The following DCDC2 variants were observed in gnomAD, a reference collection of about 807,000 sequenced individuals.
DCDC2 encodes doublecortin domain-containing protein 2.
DCDC2 carries 40 observed loss-of-function variants against 50.2 expected under a neutral mutation model. That is an observed-to-expected ratio of 0.80 (90% confidence interval 0.62 to 1.04). The LOEUF (loss-of-function observed/expected upper bound fraction) is 1.04. Ranked by LOEUF, DCDC2 falls within the 50% of genes least tolerant of loss-of-function variation. DCDC2 has a pLI of 0.00. For missense variants in DCDC2, 570 were observed against 581.9 expected (o/e 0.98, Z 0.21); for synonymous variants, 234 against 210.6 (o/e 1.11, Z -0.96).
intron 1 of DCDC2, 146 bp downstream of exon 1, chr6:24,357,312 C>T (rs905200941): frequency 7.4e-6 from 7 of 943,176 alleles, no homozygotes; most frequent in Non-Finnish European, 1.1e-5. Context: ...CCAACTGCAA[C>T]GAGAGTTTTG....
intron 4 of DCDC2, among the ~76,000 whole-genome samples, chr6:24,298,915 C>G (rs999893319): frequency 6.6e-6 from 1 of 152,136 alleles, no homozygotes; most frequent in Non-Finnish European, 1.5e-5. Context: ...ACTTTTATAT[C>G]CTGATAAACT....
At chr6:24,258,834 T>C (rs530259533) in intron 7 of DCDC2, among the ~76,000 whole-genome samples, 1 of 152,346 alleles carries the variant, frequency 6.6e-6, no homozygotes, top group South Asian at 2.1e-4. Flanking sequence ...AGGGCTCAGC[T>C]GTACCAATCA....
intron 7 of DCDC2, among the ~76,000 whole-genome samples, chr6:24,246,747 A>C (rs1762685952): frequency 6.6e-6 from 1 of 151,988 alleles, no homozygotes; most frequent in African/African-American, 2.4e-5. Context: ...TCAACCTCCC[A>C]AAGTGCTGGG....
At position 24,343,377 on chromosome 6, in the gene DCDC2, T is replaced by C. The variant is rs114203464; in HGVS notation, c.348+10192A>G. 7.5e-3 allele frequency among the ~76,000 whole-genome samples: 1,148 copies of C among 152,336 alleles called. 6 individuals carry two copies. The highest frequency in any genetic ancestry group is 0.026 in the African/African-American group (1,064 of 41,562). On this transcript the variant is annotated intron_variant, in intron 2 of 9. Transcript: ENST00000378454. ...ATATTCTTGAGGAAATGTAAAATCA[T>C]GCATGAGCAGCATTCAATAAAAAGT...
intron 7 of DCDC2, among the ~76,000 whole-genome samples, chr6:24,212,011 G>A (rs1761881842): frequency 6.6e-6 from 1 of 152,148 alleles, no homozygotes; most frequent in Admixed American, 6.5e-5. Flanking sequence ...CAGGAGGTGA[G>A]CGGCAGGTGA....
chr6:24,372,517 A>C, the DCDC2 span, among the ~76,000 whole-genome samples: 1 of 152,204 alleles, frequency 6.6e-6, no homozygotes, highest in African/African-American at 2.4e-5. Context: ...GAACCAACCC[A>C]AATGTCCAAC....
At chr6:24,324,863 A>T (rs148899707) in intron 2 of DCDC2, among the ~76,000 whole-genome samples, 1 of 151,710 alleles carries the variant, frequency 6.6e-6, no homozygotes, top group Non-Finnish European at 1.5e-5. Flanking sequence ...CACATGGCTG[A>T]CAGAGCAAGA....
At chr6:24,213,316 G>A (rs976653119) in intron 7 of DCDC2, among the ~76,000 whole-genome samples, 1 of 152,098 alleles carries the variant, frequency 6.6e-6, no homozygotes, top group African/African-American at 2.4e-5. Context: ...CACTAAGACT[G>A]CCTATCATAA....
rs945462272 is a variant in DCDC2, at chr6:24,357,704, A to C, written c.47T>G (p.Val16Gly). The C allele has an allele frequency of 4.3e-6, 7 of 1,613,190 alleles. No individual in the cohort carries two copies. In the African/African-American group the frequency reaches 9.3e-5, roughly 22 times the overall value. ...GTTGCGGTACACAAGCACGCTCTTC[A>C]CGACGGGCTGAGACAGGTGGCTGGA... ...ARSSHLSQPV[V>G]KSVLVYRNGD... is the part of the protein sequence containing the mutation. The change falls in exon 1 of 10, where the codon GTG becomes GGG. Residue 16 changes from valine (V) to glycine (G), a missense_variant. By Grantham distance (109) the Val-to-Gly change is moderately radical. Transcript: ENST00000378454.
chr6:24,213,985 A>C (rs1171853012), intron 7 of DCDC2, among the ~76,000 whole-genome samples: 1 of 152,166 alleles, frequency 6.6e-6, no homozygotes, highest in African/African-American at 2.4e-5. Flanking sequence ...TTTAATCACT[A>C]ATCTTCTCCA....
rs746818008 is a variant in DCDC2, at chr6:24,301,786, G to T, written c.486C>A (p.Thr162=). 1 of 1,614,144 alleles carries T rather than the reference G, an allele frequency of 6.2e-7. No homozygotes were observed. The highest frequency in any genetic ancestry group is 2.2e-5 in the East Asian group (1 of 44,880). ...GTAGTACATGATCCCACTGATTCAAGGTTTTTCTGGGGATAAGGAGGCGAG... is the reference window on the plus strand; with the variant it reads ...GTAGTACATGATCCCACTGATTCAATGTTTTTCTGGGGATAAGGAGGCGAG... ...PASRLLIPRK[T]LNQWDHVLQM... Residue 162 remains threonine (T), a synonymous_variant, in exon 4 of 10, where the codon ACC becomes ACA. Coordinates refer to ENST00000378454, the MANE Select transcript of DCDC2 (RefSeq NM_016356.5).
At chr6:24,306,527 T>TAGAC (rs1561768209) in intron 2 of DCDC2, among the ~76,000 whole-genome samples, 1 of 141,694 alleles carries the variant, frequency 7.1e-6, no homozygotes, top group African/African-American at 2.7e-5. Context: ...GATAGATAGA[T>TAGAC]AGATAGATAG....
chr6:24,188,552 T>G (rs1761251078), intron 8 of DCDC2, among the ~76,000 whole-genome samples: 1 of 152,222 alleles, frequency 6.6e-6, no homozygotes, highest in South Asian at 2.1e-4. Context: ...TTATATTTTA[T>G]ATTTTTATAT....
At chr6:24,186,791 G>T (rs756241686) in intron 8 of DCDC2, among the ~76,000 whole-genome samples, 17 of 152,090 alleles carry the variant, frequency 1.1e-4, no homozygotes, top group Admixed American at 5.2e-4. Flanking sequence ...CACTTTTGGG[G>T]GCTGAACTGT....
rs112382215 is a variant in DCDC2 at position 24,175,094 on chromosome 6, CTTTA to C, written c.1327-264_1327-261del. Among the ~76,000 whole-genome samples, 21,626 of 151,836 alleles carry C rather than the reference CTTTA, an allele frequency of 0.14. 4,018 individuals carry two copies. The highest frequency in any genetic ancestry group is 0.44 in the African/African-American group (17,997 of 41,262). On this transcript the variant is annotated intron_variant, in intron 9 of 9. Transcript: ENST00000378454. ...CCTGACTCATTTTGTATGCTGCAGG[CTTTA>C]TTTTTCTCATTTTTTCTTGATTTCT...
intron 7 of DCDC2, among the ~76,000 whole-genome samples, chr6:24,268,237 G>A (rs1264968536): frequency 2.0e-5 from 3 of 152,038 alleles, no homozygotes; most frequent in Non-Finnish European, 2.9e-5. Flanking sequence ...CTGTAATTCC[G>A]GCACTTTGGG....
chr6:24,230,630 C>G (rs1316523854), intron 7 of DCDC2, among the ~76,000 whole-genome samples: 1 of 151,892 alleles, frequency 6.6e-6, no homozygotes, highest in Non-Finnish European at 1.5e-5. Context: ...GGCAATAAAG[C>G]AATACTCTGT....
intron 7 of DCDC2, among the ~76,000 whole-genome samples, chr6:24,221,806 C>G (rs898164124): frequency 2.6e-5 from 4 of 152,170 alleles, no homozygotes; most frequent in South Asian, 2.1e-4. Flanking sequence ...GGGGTAAGGC[C>G]CAAGTTTCTC....
rs1561901427 is a variant in DCDC2 at position 24,236,540 on chromosome 6, C to T, written c.923-31438G>A. ...CAATTGAAACATAAACAAAACTTGA[C>T]AAGTGGGACCTAATTAAACTAAAGA... On this transcript the variant is annotated intron_variant, in intron 7 of 9. Transcript: ENST00000378454. Among the ~76,000 whole-genome samples the T allele has an allele frequency of 4.6e-5, 7 of 152,268 alleles. No homozygotes were observed. In the South Asian group the frequency reaches 1.5e-3, roughly 32 times the overall value.
Sources: allele counts gnomAD v4.1 joint callset (sites outside exome capture counted in the v4.1 genomes callset), GRCh38; gene constraint gnomAD v4.1.1; transcripts MANE v1.5; gene names NCBI Gene and HGNC (gene_info 2026-07-23, HGNC 2026-07-21).